The following MYOC variants were observed in gnomAD, a reference collection of about 807,000 sequenced individuals.
MYOC encodes the protein juvenile-onset open-angle glaucoma 1.
Under a neutral mutation model 28.2 loss-of-function variants are expected in MYOC, and 29 were observed. The observed-to-expected ratio is 1.03, with a 90% CI of 0.77 to 1.40. The LOEUF is 1.40. MYOC is among the 40% of genes most tolerant of loss of function. The pLI, the probability that MYOC is intolerant of heterozygous loss-of-function variation, is 0.00. For missense variants in MYOC, 569 were observed against 620.6 expected, an observed-to-expected ratio of 0.92 and a Z score of 0.88; for synonymous variants, 240 against 245.6, an observed-to-expected ratio of 0.98 and a Z score of 0.21.
chr1:171,637,112 C>A (rs1389927695), intron 2 of MYOC, among the ~76,000 whole-genome samples: 2 of 152,090 alleles, frequency 1.3e-5, no homozygotes, highest in African/African-American at 4.8e-5. Flanking sequence ...ATTTAAAGTA[C>A]AATTCACTCA....
chr1:171,650,197 T>TAC lies in MYOC; in HGVS notation c.604+1809_604+1810dup, dbSNP rs372143697. Among the ~76,000 whole-genome samples the TAC allele has an allele frequency of 1.3e-3, 195 of 151,440 alleles. 2 individuals carry two copies. The Middle Eastern group carries it at 0.021, about 16-fold the overall frequency. ...AGGCAAAACATTGCCACTATTTTTG[T>TAC]ACACACACACACACACCACCCACAC... is the stretch of plus-strand genomic sequence containing the variant. On this transcript the variant is annotated intron_variant, in intron 1 of 2. Transcript: ENST00000037502.
At chr1:171,650,078 G>A (rs1653316318) in intron 1 of MYOC, among the ~76,000 whole-genome samples, 1 of 152,008 alleles carries the variant, frequency 6.6e-6, no homozygotes, top group Admixed American at 6.6e-5. Context: ...TTTCAAAAGT[G>A]GAGTAGCTGG....
rs111797833 is a variant in MYOC, at chr1:171,635,784, G to A, written c.*141C>T. On this transcript the variant is annotated 3_prime_UTR_variant, in exon 3 of 3. Coordinates refer to ENST00000037502, the MANE Select transcript of MYOC (RefSeq NM_000261.2). ...TCCTGAATAGTTAGATGGTGACCATGTTCATCCTTCTGGATTAATGAAAAC... is the reference window on the plus strand; with the variant it reads ...TCCTGAATAGTTAGATGGTGACCATATTCATCCTTCTGGATTAATGAAAAC... The A allele has an allele frequency of 2.7e-5, 22 of 806,824 alleles. No individual in the cohort carries two copies. Among genetic ancestry groups the A allele is most frequent in the African/African-American group, 2.4e-4 (14 of 58,462 alleles). The allele number at this position is 806,824 out of a possible 1,614,324, so 50.0% of individuals were successfully genotyped here.
chr1:171,646,192 C>A (rs1344227287), intron 1 of MYOC, among the ~76,000 whole-genome samples: 2 of 152,192 alleles, frequency 1.3e-5, no homozygotes, highest in African/African-American at 4.8e-5. Context: ...TGGACCTAAG[C>A]CGGAAGTCAT....
chr1:171,648,763 C>T (rs1653265077), intron 1 of MYOC, among the ~76,000 whole-genome samples: 2 of 150,382 alleles, frequency 1.3e-5, no homozygotes, highest in South Asian at 4.2e-4. Context: ...TCTTGGCTCA[C>T]TGCAACGTCT....
At chr1:171,645,533 T>C (rs552177936) in intron 1 of MYOC, among the ~76,000 whole-genome samples, 1 of 152,248 alleles carries the variant, frequency 6.6e-6, no homozygotes, top group South Asian at 2.1e-4. Flanking sequence ...TAGGTGCCTA[T>C]GGAGTTCACG....
chr1:171,638,876 C>A, intron 1 of MYOC, 154 bp from the exon 2 acceptor site: 1 of 729,364 alleles, frequency 1.4e-6, no homozygotes, highest in Non-Finnish European at 2.3e-6. Flanking sequence ...GGCGGATCAC[C>A]TGAGGTCAGG....
Position 171,636,546 on chromosome 1 carries a change from A to G in MYOC, c.894T>C (p.Val298=). 6.2e-7 allele frequency: 1 copy of G among 1,608,938 alleles called. No homozygotes were observed. Among genetic ancestry groups the G allele is most frequent in the Non-Finnish European group, 8.5e-7 (1 of 1,176,582 alleles). Residue 298 remains valine, a synonymous_variant, in exon 3 of 3, where the codon GTT becomes GTC. Coordinates refer to ENST00000037502, the MANE Select transcript of MYOC (RefSeq NM_000261.2). ...ACTGGCTGATGAGGTCATACTCAAA[A>G]ACCTGGCGGACATCCGTGCCAACTG... ...IDTVGTDVRQ[V]FEYDLISQFM... is the part of the protein sequence containing the mutation.
chr1:171,646,473 G>T (rs1299264688), intron 1 of MYOC, among the ~76,000 whole-genome samples: 1 of 151,182 alleles, frequency 6.6e-6, no homozygotes, highest in Non-Finnish European at 1.5e-5. Context: ...CATTTTTGGG[G>T]CTTTTATTTT....
chr1:171,637,749 A>T (rs563895721), intron 2 of MYOC, among the ~76,000 whole-genome samples: 1 of 152,042 alleles, frequency 6.6e-6, no homozygotes, highest in Non-Finnish European at 1.5e-5. Flanking sequence ...AGTAGCTGGG[A>T]TTACAGATGA....
At position 171,636,484 on chromosome 1, in the gene MYOC, G is replaced by A; in HGVS notation, c.956C>T (p.Pro319Leu). 6.2e-7 allele frequency: 1 copy of A among 1,613,792 alleles called. No homozygotes were observed. The change falls in exon 3 of 3, where the codon CCT becomes CTT. Residue 319 changes from proline (P) to leucine (L), a missense_variant. Transcript: ENST00000037502. ...AGCACCCGTGCTTTCCAGTGGCCTAGGCAGTATGTGAACCTTAGAAGGGTA... is the reference window on the plus strand; with the variant it reads ...AGCACCCGTGCTTTCCAGTGGCCTAAGCAGTATGTGAACCTTAGAAGGGTA... ...QGYPSKVHIL[P>L]RPLESTGAVV...
chr1:171,640,103 AG>A (rs1178746279), intron 1 of MYOC, among the ~76,000 whole-genome samples: 1 of 150,714 alleles, frequency 6.6e-6, no homozygotes, highest in African/African-American at 2.4e-5. Flanking sequence ...AAAAGATAAA[AG>A]TTTACTGCAT....
chr1:171,651,289 C>T (rs1466731392), intron 1 of MYOC, among the ~76,000 whole-genome samples: 1 of 152,060 alleles, frequency 6.6e-6, no homozygotes, highest in African/African-American at 2.4e-5. Flanking sequence ...AAAAGTGACA[C>T]AAATACCATC....
At chr1:171,648,568 T>G (rs6425364) in intron 1 of MYOC, among the ~76,000 whole-genome samples, 115,139 of 151,304 alleles carry the variant, frequency 0.76, 44,210 homozygotes, top group East Asian at 0.86. Flanking sequence ...AACAAAGCAG[T>G]CCTTCTCTTG....
intron 1 of MYOC, among the ~76,000 whole-genome samples, chr1:171,645,661 A>G (rs1340838232): frequency 6.6e-6 from 1 of 152,236 alleles, no homozygotes; most frequent in Non-Finnish European, 1.5e-5. Context: ...TGGAGGCTTC[A>G]GAAGAGTCTC....
chr1:171,649,516 T>G (rs235913), intron 1 of MYOC, among the ~76,000 whole-genome samples: 102,514 of 152,092 alleles, frequency 0.67, 34,988 homozygotes, highest in African/African-American at 0.79. Flanking sequence ...CTCATGGCCA[T>G]GTACAGGGAG....
chr1:171,637,258 A>G (rs977471880), intron 2 of MYOC, among the ~76,000 whole-genome samples: 2 of 152,212 alleles, frequency 1.3e-5, no homozygotes, highest in African/African-American at 4.8e-5. Flanking sequence ...TTTCATTACT[A>G]TAAGGTAGGA....
chr1:171,648,567 G>T (rs1572215719), intron 1 of MYOC, among the ~76,000 whole-genome samples: 1 of 144,432 alleles, frequency 6.9e-6, no homozygotes, highest in East Asian at 2.2e-4. Flanking sequence ...AAACAAAGCA[G>T]TCCTTCTCTT....
rs1305434893 is a variant in MYOC, at chr1:171,652,515, T to C, written c.97A>G (p.Arg33Gly). 1 of 1,614,196 alleles carries C rather than the reference T, an allele frequency of 6.2e-7. No homozygotes were observed. The highest frequency in any genetic ancestry group is 8.5e-7 in the Non-Finnish European group (1 of 1,180,032). The change falls in exon 1 of 3, where the codon AGG (arginine) becomes GGG (glycine). Residue 33 changes from arginine (R) to glycine (G), a missense_variant. Coordinates refer to ENST00000037502, the MANE Select transcript of MYOC (RefSeq NM_000261.2). ...TTGGCCTTCCTGAGCTGAGCTGTCC[T>C]GGCCCCCACATCCCACACCAGGCAG... Reference protein sequence around the residue: ...LACLVWDVGARTAQLRKANDQ... With the variant: ...LACLVWDVGAGTAQLRKANDQ...
Sources: gnomAD v4.1 joint callset for allele counts (sites outside exome capture counted in the v4.1 genomes callset) on GRCh38, gnomAD v4.1.1 for gene constraint, MANE v1.5 for transcripts, NCBI Gene and HGNC (gene_info 2026-07-23, HGNC 2026-07-21) for gene names.